PEAK1: variants seen among roughly 807,000 people sequenced by gnomAD.
The protein encoded by PEAK1 is pseudopodium enriched atypical kinase 1.
Under a neutral mutation model 124.7 loss-of-function variants are expected in PEAK1, and 54 were observed. The observed-to-expected ratio is 0.43, with a 90% CI of 0.35 to 0.54. The LOEUF is 0.54. Ranked by LOEUF, PEAK1 falls within the 20% of genes least tolerant of loss-of-function variation. The pLI is 0.01. For synonymous variants in PEAK1, 719 were observed against 760.0 expected (o/e 0.95, Z 0.89); for missense variants, 2,046 against 2,134.5 (o/e 0.96, Z 0.82).
At chr15:77,217,901 TA>T (rs754757087) in intron 6 of PEAK1, among the ~76,000 whole-genome samples, 9 of 152,200 alleles carry the variant, frequency 5.9e-5, no homozygotes, top group Non-Finnish European at 8.8e-5. Flanking sequence ...TGGAATTGCT[TA>T]AAATTTCATT....
chr15:77,274,670 T>C (rs901483774), intron 5 of PEAK1, among the ~76,000 whole-genome samples: 1 of 151,936 alleles, frequency 6.6e-6, no homozygotes, highest in Non-Finnish European at 1.5e-5. Flanking sequence ...AACATAGATG[T>C]TGGTGTGGAT....
intron 5 of PEAK1, among the ~76,000 whole-genome samples, chr15:77,273,432 T>C (rs745986408): frequency 1.3e-5 from 2 of 152,124 alleles, no homozygotes; most frequent in Non-Finnish European, 2.9e-5. Context: ...GGATACAAAA[T>C]TAATGTATAC....
chr15:77,360,674 T>C (rs1199253978), intron 2 of PEAK1, among the ~76,000 whole-genome samples: 3 of 152,132 alleles, frequency 2.0e-5, no homozygotes, highest in Admixed American at 6.6e-5. Context: ...GACTTGACTA[T>C]GTGTGAATTT....
At chr15:77,237,698 C>T (rs1253995939) in intron 6 of PEAK1, among the ~76,000 whole-genome samples, 1 of 151,880 alleles carries the variant, frequency 6.6e-6, no homozygotes, top group Non-Finnish European at 1.5e-5. Context: ...CCACTATGAT[C>T]TTGGTTTTTA....
intron 2 of PEAK1, among the ~76,000 whole-genome samples, chr15:77,309,084 T>C (rs1402839954): frequency 6.6e-6 from 1 of 152,102 alleles, no homozygotes; most frequent in East Asian, 1.9e-4. Context: ...ATAATTAGTA[T>C]AAAGTCATTT....
At chr15:77,125,620 A>C (rs1337800383) in intron 9 of PEAK1, among the ~76,000 whole-genome samples, 1 of 152,222 alleles carries the variant, frequency 6.6e-6, no homozygotes, top group Non-Finnish European at 1.5e-5. Flanking sequence ...GATATAGAAA[A>C]GGCAAGTAAT....
At chr15:77,256,358 G>A (rs1331251306) in intron 5 of PEAK1, among the ~76,000 whole-genome samples, 1 of 151,712 alleles carries the variant, frequency 6.6e-6, no homozygotes, top group African/African-American at 2.4e-5. Context: ...TAAAATTGGT[G>A]TGATCTTATT....
At chr15:77,378,950 T>C (rs988176059) in intron 1 of PEAK1, among the ~76,000 whole-genome samples, 12 of 152,198 alleles carry the variant, frequency 7.9e-5, no homozygotes, top group Admixed American at 1.3e-4. Flanking sequence ...GCCACCCCTA[T>C]ATTTCCTTGG....
intron 7 of PEAK1, among the ~76,000 whole-genome samples, chr15:77,169,222 C>G (rs2056335509): frequency 6.6e-6 from 1 of 152,130 alleles, no homozygotes; most frequent in South Asian, 2.1e-4. Context: ...ACTACTAGGC[C>G]TGGTTGAACT....
chr15:77,216,485 AG>A (rs1327871691), intron 6 of PEAK1, among the ~76,000 whole-genome samples: 7 of 152,250 alleles, frequency 4.6e-5, no homozygotes, highest in Non-Finnish European at 8.8e-5. Flanking sequence ...TTTATAGTAA[AG>A]CTTGGGTGGA....
At chr15:77,319,711 A>C (rs888586702) in intron 2 of PEAK1, among the ~76,000 whole-genome samples, 2 of 152,186 alleles carry the variant, frequency 1.3e-5, no homozygotes, top group Non-Finnish European at 2.9e-5. Flanking sequence ...CTGTTTTCTA[A>C]TTTTGTGCAC....
chr15:77,193,390 A>G (rs941486557), intron 6 of PEAK1, among the ~76,000 whole-genome samples: 2 of 152,210 alleles, frequency 1.3e-5, no homozygotes, highest in Non-Finnish European at 1.5e-5. Flanking sequence ...CTCTACTTAT[A>G]ATTTAATGAA....
intron 1 of PEAK1, among the ~76,000 whole-genome samples, chr15:77,394,603 G>A (rs139918240): frequency 2.6e-5 from 4 of 152,334 alleles, no homozygotes; most frequent in East Asian, 1.9e-4. Context: ...CATGGCTGCA[G>A]TAACTAAAAA....
At chr15:77,319,136 T>C (rs985985707) in intron 2 of PEAK1, among the ~76,000 whole-genome samples, 1 of 152,168 alleles carries the variant, frequency 6.6e-6, no homozygotes, top group Non-Finnish European at 1.5e-5. Context: ...TCTAATGTCC[T>C]ACTAGCTCTT....
At chr15:77,220,618 A>C (rs959236630) in intron 6 of PEAK1, among the ~76,000 whole-genome samples, 6 of 152,042 alleles carry the variant, frequency 3.9e-5, no homozygotes, top group Admixed American at 1.3e-4. Context: ...GCAAAAAAAA[A>C]TGAAACAAAG....
intron 6 of PEAK1, among the ~76,000 whole-genome samples, chr15:77,249,970 C>CA (rs1229948868): frequency 3.3e-5 from 5 of 150,998 alleles, no homozygotes; most frequent in Admixed American, 1.3e-4. Context: ...CTTTCTTCAA[C>CA]AAAAAAAATT....
intron 6 of PEAK1, among the ~76,000 whole-genome samples, chr15:77,220,845 AATG>A (rs1282790822): frequency 2.3e-4 from 35 of 152,092 alleles, no homozygotes; most frequent in Non-Finnish European, 2.4e-4. Flanking sequence ...TAGTTATTGA[AATG>A]GAGATGATTA....
chr15:77,342,172 A>AAC (rs1491208296), intron 2 of PEAK1, among the ~76,000 whole-genome samples: 3 of 123,862 alleles, frequency 2.4e-5, no homozygotes, highest in Non-Finnish European at 3.7e-5. Flanking sequence ...AAAAAAAAAA[A>AAC]ACACACACAC....
chr15:77,374,088 C>T (rs914745890), intron 1 of PEAK1, among the ~76,000 whole-genome samples: 1 of 152,014 alleles, frequency 6.6e-6, no homozygotes, highest in Non-Finnish European at 1.5e-5. Flanking sequence ...AGTTTAAAAG[C>T]AAAGTTTCTA....
Sources: gnomAD v4.1 joint callset for allele counts (sites outside exome capture counted in the v4.1 genomes callset) on GRCh38, gnomAD v4.1.1 for gene constraint, MANE v1.5 for transcripts, NCBI Gene and HGNC (gene_info 2026-07-23, HGNC 2026-07-21) for gene names.